The following CACNA1S variants were observed in gnomAD, a reference collection of about 807,000 sequenced individuals.
CACNA1S encodes voltage-dependent L-type calcium channel subunit alpha-1S.
In CACNA1S, 126 loss-of-function variants were observed where a neutral mutation model predicts 207.4. The observed-to-expected ratio is 0.61, with a 90% CI of 0.53 to 0.70. The LOEUF is 0.70. CACNA1S is among the 30% of genes least tolerant of loss of function. The pLI is 0.00. For missense variants in CACNA1S, 2,349 were observed against 2,422.8 expected (o/e 0.97, Z 0.64); for synonymous variants, 960 against 932.7 (o/e 1.03, Z -0.53).
rs949937649 is a variant in CACNA1S, at chr1:201,066,788, T to A, written c.2657+99A>T. 1.1e-6 allele frequency: 1 copy of A among 872,060 alleles called. No individual in the cohort carries two copies. The highest frequency in any genetic ancestry group is 1.7e-5 in the African/African-American group (1 of 60,028). The allele number at this position is 872,060 out of a possible 1,614,324, so 54.0% of individuals were successfully genotyped here. A position where few individuals can be genotyped will look rare whatever the true frequency, so the allele number is the denominator to read the frequency against. Reference sequence around the variant, plus strand: ...GAGGCCCCGAGAGACCCTCCTCTTGTGGCAGGGGCCCACCAACATGGGTGG... The same window carrying A: ...GAGGCCCCGAGAGACCCTCCTCTTGAGGCAGGGGCCCACCAACATGGGTGG... On this transcript the variant is annotated intron_variant, in intron 20 of 43. Coordinates refer to ENST00000362061, the MANE Select transcript of CACNA1S (RefSeq NM_000069.3). This position sits in a 1 kb window ranked among gnomAD's most constrained non-coding sequence, Gnocchi z 4.3.
rs534443338 is a variant in CACNA1S, at chr1:201,045,751, A to G, written c.4669-1295T>C. Among the ~76,000 whole-genome samples, 510 of 151,060 alleles carry G rather than the reference A, an allele frequency of 3.4e-3. 4 individuals are homozygous for G. The highest frequency in any genetic ancestry group is 0.012 in the African/African-American group (492 of 40,718). Reference sequence around the variant, plus strand: ...CTTGTCTCCAAAAAAAAAAAAAAAAAAAAAAAAGCATCAGTGTTAATTTCC... The same window carrying G: ...CTTGTCTCCAAAAAAAAAAAAAAAAGAAAAAAAGCATCAGTGTTAATTTCC... On this transcript the variant is annotated intron_variant, in intron 38 of 43. Transcript: ENST00000362061.
At position 201,053,689 on chromosome 1, in the gene CACNA1S, T is replaced by C; in HGVS notation, c.3667-102A>G. 1 of 1,281,794 alleles carries C rather than the reference T, an allele frequency of 7.8e-7. No homozygotes were observed. The highest frequency in any genetic ancestry group is 1.4e-5 in the South Asian group (1 of 71,740). The allele number at this position is 1,281,794 out of a possible 1,614,324, so 79.4% of individuals were successfully genotyped here. A position where few individuals can be genotyped will look rare whatever the true frequency, so the allele number is the denominator to read the frequency against. On this transcript the variant is annotated intron_variant, in intron 29 of 43. Transcript: ENST00000362061. The surrounding 1 kb of genome is among the most constrained non-coding windows in gnomAD (Gnocchi z 5.1). ...GCACTGTGTGTTTTGGGGAGATGTT[T>C]GTGGCATGGAGGAACTCCAGCCCCG...
At chr1:201,110,453 T>C (rs1419041778) in intron 1 of CACNA1S, among the ~76,000 whole-genome samples, 184 bp from the exon 2 acceptor site, 2 of 152,200 alleles carry the variant, frequency 1.3e-5, no homozygotes, top group African/African-American at 4.8e-5. Flanking sequence ...ACCAGGTTCC[T>C]GCCTTGACCT....
chr1:201,049,953 G>A (rs116560554), intron 34 of CACNA1S, among the ~76,000 whole-genome samples: 5,530 of 152,214 alleles, frequency 0.036, 128 homozygotes, highest in Middle Eastern at 0.078. Flanking sequence ...TAAGAGAGCC[G>A]TGCTCTCCAA....
At chr1:201,048,750 C>A in intron 35 of CACNA1S, 66 bp from the exon 36 acceptor site, 1 of 1,425,646 alleles carries the variant, frequency 7.0e-7, no homozygotes. Context: ...AAGTCATCCT[C>A]ACCCGGTCTG....
intron 34 of CACNA1S, among the ~76,000 whole-genome samples, chr1:201,049,354 C>T (rs943648401): frequency 3.9e-5 from 6 of 152,230 alleles, no homozygotes; most frequent in Non-Finnish European, 8.8e-5. Context: ...ATGGGATAAC[C>T]AGGTCTGGAA....
chr1:201,055,877 A>T (rs1352468441), intron 28 of CACNA1S, among the ~76,000 whole-genome samples: 4 of 152,206 alleles, frequency 2.6e-5, no homozygotes, highest in African/African-American at 9.7e-5. Context: ...TCCGCTACAC[A>T]GACCTCAGAT....
In CACNA1S at chr1:201,043,325, G is replaced by T; in HGVS notation, c.5004C>A (p.Val1668=). The change falls in exon 40 of 44, where the codon GTC becomes GTA. Residue 1668 remains valine, a synonymous_variant. Transcript: ENST00000362061. The part of the protein sequence containing the change: ...RANTNNANAN[V]AYGNSNHSNS... Reference sequence around the variant, plus strand: ...TGCTATGGTTGCTGTTGCCATAGGCGACATTGGCGTTGGCATTGTTGGTAT... The same window carrying T: ...TGCTATGGTTGCTGTTGCCATAGGCTACATTGGCGTTGGCATTGTTGGTAT... 6.2e-7 allele frequency: 1 copy of T among 1,614,176 alleles called. No homozygotes were observed. Among genetic ancestry groups the T allele is most frequent in the South Asian group, 1.1e-5 (1 of 91,066 alleles).
At chr1:201,090,347 C>A (rs1005601196) in intron 5 of CACNA1S, among the ~76,000 whole-genome samples, 2 of 152,148 alleles carry the variant, frequency 1.3e-5, no homozygotes, top group Non-Finnish European at 2.9e-5. Context: ...TCCTATCCAT[C>A]CTGATAATGC....
At position 201,041,702 on chromosome 1, in the gene CACNA1S, A is replaced by C; in HGVS notation, c.5049-113T>G. The C allele has an allele frequency of 5.1e-6, 4 of 788,804 alleles. No individual in the cohort carries two copies. In the South Asian group the frequency reaches 5.8e-5, roughly 11 times the overall value. The allele number at this position is 788,804 out of a possible 1,614,324, so 48.9% of individuals were successfully genotyped here. ...CTCAGAGCCTGTACAAGGCCAACCT[A>C]GTGTAGCAGCCGTGACTCTAGGGCT... On this transcript the variant is annotated intron_variant, in intron 40 of 43. Coordinates refer to ENST00000362061, the MANE Select transcript of CACNA1S (RefSeq NM_000069.3).
intron 2 of CACNA1S, among the ~76,000 whole-genome samples, chr1:201,103,010 T>C (rs961175480): frequency 2.6e-5 from 4 of 152,082 alleles, no homozygotes; most frequent in Non-Finnish European, 1.5e-5. Flanking sequence ...GTTGCACTCA[T>C]GGATATAACA....
chr1:201,111,831 G>A (rs1663114560), intron 1 of CACNA1S, among the ~76,000 whole-genome samples: 1 of 152,028 alleles, frequency 6.6e-6, no homozygotes, highest in African/African-American at 2.4e-5. Flanking sequence ...ACCCATAGGT[G>A]GTCAGTAGGC....
intron 1 of CACNA1S, among the ~76,000 whole-genome samples, chr1:201,110,591 G>A (rs528920418): frequency 3.3e-5 from 5 of 152,352 alleles, no homozygotes; most frequent in Admixed American, 6.5e-5. Flanking sequence ...CACTCTCAGC[G>A]CCTGTCCATG....
Position 201,050,868 on chromosome 1 carries a change from G to A in CACNA1S, c.4113+116C>T, listed in dbSNP as rs75777080. 6,808 of 1,116,436 alleles carry A rather than the reference G, an allele frequency of 6.1e-3. 151 individuals carry two copies. The African/African-American group carries it at 0.067, about 11-fold the overall frequency. The allele number at this position is 1,116,436 out of a possible 1,614,324, so 69.2% of individuals were successfully genotyped here. A position where few individuals can be genotyped will look rare whatever the true frequency, so the allele number is the denominator to read the frequency against. ...GGACAACCTAACTAGAGCCTCCTGC[G>A]TCCCCGAGATGAATCCCAGGAGAGG... On this transcript the variant is annotated intron_variant, in intron 33 of 43. Coordinates refer to ENST00000362061, the MANE Select transcript of CACNA1S (RefSeq NM_000069.3).
rs928580339 is a variant in CACNA1S, at chr1:201,047,566, G to T, written c.4502C>A (p.Thr1501Asn). Residue 1501 changes from threonine to asparagine, a missense_variant, in exon 37 of 44, where the codon ACC (threonine) becomes AAC (asparagine). Physicochemically the swap from Thr to Asn is moderately conservative, Grantham distance 65. Coordinates refer to ENST00000362061, the MANE Select transcript of CACNA1S (RefSeq NM_000069.3). ...RAIIKKIWKR[T>N]SMKLLDQVIP... is the part of the protein sequence containing the mutation. ...GACCTGGTCCAAGAGCTTCATGCTG[G>T]TTCTCTTCCAGATCTTCTTGATGAT... The T allele has an allele frequency of 3.1e-6, 5 of 1,614,024 alleles. No individual in the cohort carries two copies. Among genetic ancestry groups the T allele is most frequent in the African/African-American group, 1.3e-5 (1 of 74,920 alleles).
In CACNA1S at chr1:201,066,037, G is replaced by T; in HGVS notation, c.2746-92C>A. 2.0e-6 allele frequency: 2 copies of T among 1,001,090 alleles called. No individual in the cohort carries two copies. The highest frequency in any genetic ancestry group is 3.1e-6 in the Non-Finnish European group (2 of 643,166). 62.0% of individuals were successfully genotyped at this position (1,001,090 alleles called of 1,614,324 possible). A position where few individuals can be genotyped will look rare whatever the true frequency, so the allele number is the denominator to read the frequency against. ...AAACCCCAGGAGTGCAAGACTTGCT[G>T]CCTCCTGATGAGTTGGAGGTGGGGA... On this transcript the variant is annotated intron_variant, in intron 21 of 43. Coordinates refer to ENST00000362061, the MANE Select transcript of CACNA1S (RefSeq NM_000069.3). The surrounding 1 kb of genome is among the most constrained non-coding windows in gnomAD (Gnocchi z 4.3).
intron 32 of CACNA1S, among the ~76,000 whole-genome samples, chr1:201,052,057 T>A (rs1305317684): frequency 6.6e-6 from 1 of 152,208 alleles, no homozygotes; most frequent in Non-Finnish European, 1.5e-5. Flanking sequence ...CTCTCCCACC[T>A]GGCTCCTGCA....
chr1:201,065,751 T>A, intron 22 of CACNA1S, 87 bp downstream of exon 22: 2 of 883,964 alleles, frequency 2.3e-6, no homozygotes, highest in Non-Finnish European at 3.8e-6. Context: ...AGACATCTGT[T>A]TTCACAATGT....
In CACNA1S at chr1:201,051,725, G is replaced by A. The variant is rs1336844785; in HGVS notation, c.3954-582C>T. Among the ~76,000 whole-genome samples, 4 of 152,196 alleles carry A rather than the reference G, an allele frequency of 2.6e-5. No homozygotes were observed. The South Asian group carries it at 8.3e-4, about 32-fold the overall frequency. On this transcript the variant is annotated intron_variant, in intron 32 of 43. Coordinates refer to ENST00000362061, the MANE Select transcript of CACNA1S (RefSeq NM_000069.3). ...CAGCTGGGAAGAAGTGTCTCCTCTAGTCACATTCAGCCAGACTACATAACT... is the reference window on the plus strand; with the variant it reads ...CAGCTGGGAAGAAGTGTCTCCTCTAATCACATTCAGCCAGACTACATAACT...
Sources: gnomAD v4.1 joint callset for allele counts (sites outside exome capture counted in the v4.1 genomes callset) on GRCh38, gnomAD v4.1.1 for gene constraint, Gnocchi (gnomAD v3.1) non-coding constraint, MANE v1.5 for transcripts, NCBI Gene and HGNC (gene_info 2026-07-23, HGNC 2026-07-21) for gene names.